Variants in MTHFD2L observed in about 807,000 individuals in gnomAD.
The protein encoded by MTHFD2L is bifunctional methylenetetrahydrofolate dehydrogenase/cyclohydrolase 2, mitochondrial.
In MTHFD2L, 29 loss-of-function variants were observed where a neutral mutation model predicts 34.9. That is an observed-to-expected ratio of 0.83 (90% CI 0.62 to 1.13). The LOEUF is 1.13. Among genes scored for constraint, MTHFD2L ranks in the 50% most tolerant of loss-of-function variants. The pLI, the probability that MTHFD2L is intolerant of heterozygous loss-of-function variation, is 0.00. For missense variants in MTHFD2L, 481 were observed against 446.5 expected (o/e 1.08, Z -0.70); for synonymous variants, 167 against 155.7 (o/e 1.07, Z -0.54).
intron 1 of MTHFD2L, among the ~76,000 whole-genome samples, chr4:74,168,900 G>C (rs550851328): frequency 2.6e-5 from 4 of 152,170 alleles, no homozygotes; most frequent in Non-Finnish European, 5.9e-5. Context: ...AATCTAATTT[G>C]TTTATGCACT....
intron 2 of MTHFD2L, among the ~76,000 whole-genome samples, chr4:74,115,489 A>G (rs1164333116): frequency 6.6e-6 from 1 of 152,262 alleles, no homozygotes; most frequent in Non-Finnish European, 1.5e-5. Flanking sequence ...ACTAGTTTGT[A>G]TGAACAATGA....
At chr4:74,160,168 T>C (rs1725113010) in intron 1 of MTHFD2L, 10 of 1,054,958 alleles carry the variant, frequency 9.5e-6, no homozygotes, top group Non-Finnish European at 1.3e-5. Flanking sequence ...AGTTGTCTAG[T>C]TCTTCATAGT....
intron 3 of MTHFD2L, among the ~76,000 whole-genome samples, chr4:74,187,120 T>C (rs1160885768): frequency 6.6e-6 from 1 of 152,130 alleles, no homozygotes; most frequent in Non-Finnish European, 1.5e-5. Context: ...TGCAAAAGAA[T>C]ATCTAGAAAA....
intron 1 of MTHFD2L, chr4:74,160,612 A>G (rs983044320): frequency 6.6e-6 from 1 of 152,330 alleles, no homozygotes; most frequent in Admixed American, 6.5e-5. Flanking sequence ...TAAAGTAATA[A>G]ATAAGCCCTT....
At chr4:74,259,043 C>A (rs184091798) in intron 6 of MTHFD2L, among the ~76,000 whole-genome samples, 1 of 152,326 alleles carries the variant, frequency 6.6e-6, no homozygotes, top group Admixed American at 6.5e-5. Flanking sequence ...AAATGCAAGT[C>A]TGTGGCATTT....
chr4:74,117,927 T>C (rs950371264), intron 2 of MTHFD2L, among the ~76,000 whole-genome samples: 2 of 152,210 alleles, frequency 1.3e-5, no homozygotes, highest in Admixed American at 6.5e-5. Flanking sequence ...TATAATACTC[T>C]GCTGACTACA....
intron 5 of MTHFD2L, among the ~76,000 whole-genome samples, chr4:74,216,348 A>C (rs1278217771): frequency 9.3e-5 from 14 of 151,050 alleles, no homozygotes; most frequent in Admixed American, 9.3e-4. Flanking sequence ...AGAGCTACCT[A>C]TGCCCAACAC....
chr4:74,258,847 T>C (rs1274051216), intron 6 of MTHFD2L, among the ~76,000 whole-genome samples: 1 of 152,130 alleles, frequency 6.6e-6, no homozygotes, highest in Admixed American at 6.5e-5. Context: ...AGGAAAACTA[T>C]GGACAGGGAG....
At chr4:74,139,598 C>A (rs2109830171) in intron 1 of MTHFD2L, among the ~76,000 whole-genome samples, 1 of 152,248 alleles carries the variant, frequency 6.6e-6, no homozygotes, top group Non-Finnish European at 1.5e-5. Flanking sequence ...TGGTTCCAGG[C>A]AGACTGGGAG....
At chr4:74,235,632 GT>G (rs978349002) in intron 6 of MTHFD2L, among the ~76,000 whole-genome samples, 10 of 152,098 alleles carry the variant, frequency 6.6e-5, no homozygotes, top group African/African-American at 2.4e-4. Context: ...GAATAAGTCT[GT>G]TTATAGTGCA....
chr4:74,172,443 TAATG>T (rs143991024), intron 1 of MTHFD2L, among the ~76,000 whole-genome samples: 4,966 of 152,308 alleles, frequency 0.033, 199 homozygotes, highest in African/African-American at 0.088. Flanking sequence ...ATTAAAATTT[TAATG>T]AAGAGTAGAC....
At chr4:74,180,095 C>T (rs1055644779) in intron 3 of MTHFD2L, among the ~76,000 whole-genome samples, 4 of 152,020 alleles carry the variant, frequency 2.6e-5, no homozygotes, top group African/African-American at 9.7e-5. Context: ...ATAGAATTTA[C>T]TATGAAAAAA....
chr4:74,122,724 G>T (rs1248971962), upstream of MTHFD2L, among the ~76,000 whole-genome samples: 1 of 152,092 alleles, frequency 6.6e-6, no homozygotes, highest in African/African-American at 2.4e-5. Flanking sequence ...AATCTGCATT[G>T]GATCCTGAAA....
intron 2 of MTHFD2L, among the ~76,000 whole-genome samples, chr4:74,117,390 G>T (rs920095021): frequency 1.3e-5 from 2 of 152,214 alleles, no homozygotes; most frequent in African/African-American, 4.8e-5. Flanking sequence ...CAACCAGGAA[G>T]TCAGTTAAGA....
chr4:74,177,341 T>C (rs1281729681), intron 3 of MTHFD2L, among the ~76,000 whole-genome samples: 1 of 151,996 alleles, frequency 6.6e-6, no homozygotes, highest in Non-Finnish European at 1.5e-5. Context: ...AATCTTCTTA[T>C]AGTTTGCAGT....
At chr4:74,165,272 T>C (rs1400749195) in intron 1 of MTHFD2L, among the ~76,000 whole-genome samples, 1 of 152,244 alleles carries the variant, frequency 6.6e-6, no homozygotes, top group East Asian at 1.9e-4. Context: ...TCCTGGTGCA[T>C]ATTCACATGC....
At chr4:74,291,471 T>C (rs1001630756) in intron 7 of MTHFD2L, among the ~76,000 whole-genome samples, 16 of 152,294 alleles carry the variant, frequency 1.1e-4, no homozygotes, top group Middle Eastern at 3.4e-3. Context: ...ACAAAAGCTT[T>C]CATGCAGAGT....
chr4:74,168,684 A>G (rs1352831420), intron 1 of MTHFD2L, among the ~76,000 whole-genome samples: 1 of 152,312 alleles, frequency 6.6e-6, no homozygotes, highest in Middle Eastern at 3.4e-3. Context: ...TGAATAAACA[A>G]TGAGCATGTG....
chr4:74,221,307 CATT>C (rs1560502390), intron 5 of MTHFD2L, among the ~76,000 whole-genome samples: 1 of 151,522 alleles, frequency 6.6e-6, no homozygotes, highest in Non-Finnish European at 1.5e-5. Flanking sequence ...ATATATATAA[CATT>C]AGTTAAGTTA....
Sources: allele counts gnomAD v4.1 joint callset (sites outside exome capture counted in the v4.1 genomes callset), GRCh38; gene constraint gnomAD v4.1.1; transcripts MANE v1.5; gene names NCBI Gene and HGNC (gene_info 2026-07-23, HGNC 2026-07-21).